The following M6PR variants were observed in gnomAD, a reference collection of about 807,000 sequenced individuals.
M6PR encodes cation-dependent mannose-6-phosphate receptor.
In M6PR, 19 loss-of-function variants were observed where a neutral mutation model predicts 33.1. The ratio of observed to expected loss-of-function variants is 0.57; its 90% CI spans 0.40 to 0.84. M6PR has a LOEUF of 0.84. Ranked by LOEUF, M6PR falls within the 40% of genes least tolerant of loss-of-function variation. M6PR has a pLI of 0.00. For missense variants in M6PR, 295 were observed against 336.0 expected (o/e 0.88, Z 0.95); for synonymous variants, 111 against 123.4 (o/e 0.90, Z 0.67).
chr12:8,940,476 A>AT lies in M6PR; in HGVS notation c.*1341dup, dbSNP rs1416176251. ...GGGATGCAAACAAATAACAAAAAAG[A>AT]TGCTTTTGTAACATTATTTTCCCTG... On this transcript the variant is annotated 3_prime_UTR_variant, in exon 7 of 7. Coordinates refer to ENST00000000412, the MANE Select transcript of M6PR (RefSeq NM_002355.4). 6.4e-6 allele frequency: 1 copy of AT among 155,976 alleles called. No individual in the cohort carries two copies. The highest frequency in any genetic ancestry group is 2.0e-4 in the East Asian group (1 of 5,054). 9.7% of individuals were successfully genotyped at this position (155,976 alleles called of 1,614,324 possible).
In M6PR at chr12:8,943,285, AT is replaced by A. The variant is rs1340001710; in HGVS notation, c.584+119del. ...TTATAGCCAGAGGATTTAAAAAGTT[AT>A]CCCCATCAATTACAGCATAATGTAC... On this transcript the variant is annotated intron_variant, in intron 5 of 6. Transcript: ENST00000000412. 4.3e-5 allele frequency: 51 copies of A among 1,173,724 alleles called. 1 individual carries two copies. The East Asian group carries it at 9.8e-4, about 23-fold the overall frequency. 72.7% of individuals were successfully genotyped at this position (1,173,724 alleles called of 1,614,324 possible).
In M6PR at chr12:8,941,903, T is replaced by C. The variant is rs1178369570; in HGVS notation, c.749A>G (p.Asn250Ser). The C allele has an allele frequency of 1.2e-6, 2 of 1,614,094 alleles. No homozygotes were observed. Among genetic ancestry groups the C allele is most frequent in the Non-Finnish European group, 1.7e-6 (2 of 1,180,018 alleles). Residue 250 changes from asparagine (N) to serine (S), a missense_variant, in exon 7 of 7, where the codon AAT becomes AGT. Transcript: ENST00000000412. ...CDFVCRSKPR[N>S]VPAAYRGVGD... ...CACACCACGATATGCTGCAGGCACA[T>C]TTCGAGGTTTAGAACGGCAGACAAA...
intron 3 of M6PR, among the ~76,000 whole-genome samples, chr12:8,944,573 T>C (rs1408626286): frequency 6.6e-6 from 1 of 152,184 alleles, no homozygotes; most frequent in Non-Finnish European, 1.5e-5. Flanking sequence ...CAGGAGTAAA[T>C]AGCTACCTTG....
At chr12:8,942,636 A>C (rs1027782200) in intron 5 of M6PR, 94 bp from the exon 6 acceptor site, 4 of 1,336,576 alleles carry the variant, frequency 3.0e-6, no homozygotes, top group Non-Finnish European at 3.1e-6. Context: ...CTGTTTCCTA[A>C]GATACATTCC....
At position 8,944,661 on chromosome 12, in the gene M6PR, GAAAT is replaced by G. The variant is rs756949767; in HGVS notation, c.343+753_344-752del. Among the ~76,000 whole-genome samples the G allele has an allele frequency of 3.3e-5, 5 of 152,286 alleles. No homozygotes were observed. In the East Asian group the frequency reaches 9.6e-4, roughly 29 times the overall value. On this transcript the variant is annotated intron_variant, in intron 3 of 6. Transcript: ENST00000000412. ...TCCTCTCCAGCAATATGACTTTTAA[GAAAT>G]ATCACCACCATAGCACAAAAATCAG...
chr12:8,946,346 G>T lies in M6PR; in HGVS notation c.59C>A (p.Ala20Glu), dbSNP rs544775120. Reference sequence around the variant, plus strand: ...TTCTGTCTGCCAGGATTCTCTCACTGCCACAGCCAGGAGTAGTAGTAGCAG... The same window carrying T: ...TTCTGTCTGCCAGGATTCTCTCACTTCCACAGCCAGGAGTAGTAGTAGCAG... ...TGLLLLLLAV[A>E]VRESWQTEEK... Residue 20 changes from alanine (A) to glutamate (E), a missense_variant, in exon 2 of 7, where the codon GCA becomes GAA. By Grantham distance (107) the Ala-to-Glu change is moderately radical. Coordinates refer to ENST00000000412, the MANE Select transcript of M6PR (RefSeq NM_002355.4). 6 of 1,614,076 alleles carry T rather than the reference G, an allele frequency of 3.7e-6. No homozygotes were observed. The highest frequency in any genetic ancestry group is 5.1e-6 in the Non-Finnish European group (6 of 1,179,992).
intron 1 of M6PR, among the ~76,000 whole-genome samples, chr12:8,947,454 T>C (rs1592224883): frequency 6.6e-6 from 1 of 152,168 alleles, no homozygotes; most frequent in East Asian, 1.9e-4. Flanking sequence ...CCTGACTTCC[T>C]GTACCCCAAA....
Position 8,945,519 on chromosome 12 carries a change from G to C in M6PR, c.242C>G (p.Ala81Gly), listed in dbSNP as rs1946081679. ...YIYIFRVCRE[A>G]GNHTSGAGLV... The stretch of plus-strand genomic sequence containing the variant: ...GCCTGCCCCAGAAGTGTGGTTGCCA[G>C]CTTCCCGGCACACCCTGAAGATGTA... The change falls in exon 3 of 7, where the codon GCT (alanine) becomes GGT (glycine). Residue 81 changes from alanine to glycine, a missense_variant. Transcript: ENST00000000412. 9 of 1,614,012 alleles carry C rather than the reference G, an allele frequency of 5.6e-6. No individual in the cohort carries two copies. Among genetic ancestry groups the C allele is most frequent in the Non-Finnish European group, 7.6e-6 (9 of 1,180,018 alleles).
chr12:8,943,157 G>T, intron 5 of M6PR: 2 of 415,370 alleles, frequency 4.8e-6, no homozygotes, highest in East Asian at 5.1e-5. Context: ...TCATCATGTT[G>T]GTCAGGTTGG....
Position 8,946,414 on chromosome 12 carries a change from G to C in M6PR, c.-1-9C>G. The C allele has an allele frequency of 6.2e-7, 1 of 1,613,320 alleles. No homozygotes were observed. The highest frequency in any genetic ancestry group is 8.5e-7 in the Non-Finnish European group (1 of 1,179,284). Reference sequence around the variant, plus strand: ...TGTAGAAAGGGAACATCCTTTGGGAGAGAGTGTGTGTTGGGGAGGGCAGGT... The same window carrying C: ...TGTAGAAAGGGAACATCCTTTGGGACAGAGTGTGTGTTGGGGAGGGCAGGT... On this transcript the variant is annotated splice_polypyrimidine_tract_variant and intron_variant, in intron 1 of 6. Coordinates refer to ENST00000000412, the MANE Select transcript of M6PR (RefSeq NM_002355.4).
chr12:8,942,032 T>C, intron 6 of M6PR, 92 bp from the exon 7 acceptor site: 1 of 1,453,300 alleles, frequency 6.9e-7, no homozygotes, highest in Non-Finnish European at 9.5e-7. Context: ...GTGGCAAGAA[T>C]TGGTTTTCTA....
At position 8,942,490 on chromosome 12, in the gene M6PR, G is replaced by A; in HGVS notation, c.637C>T (p.Leu213=). 6.2e-7 allele frequency: 1 copy of A among 1,614,198 alleles called. No homozygotes were observed. The highest frequency in any genetic ancestry group is 1.1e-5 in the South Asian group (1 of 91,090). The change falls in exon 6 of 7, where the codon CTG becomes TTG. Residue 213 remains leucine (L), a synonymous_variant. Coordinates refer to ENST00000000412, the MANE Select transcript of M6PR (RefSeq NM_002355.4). ...YVVGGFLYQR[L]VVGAKGMEQF... is the part of the protein sequence containing the mutation. The stretch of plus-strand genomic sequence containing the variant: ...TCCATTCCTTTGGCTCCCACTACCA[G>A]TCGCTGGTATAGGAACCCCCCAACA...
intron 3 of M6PR, among the ~76,000 whole-genome samples, 168 bp from the exon 4 acceptor site, chr12:8,944,078 T>C (rs958113974): frequency 6.6e-5 from 10 of 152,174 alleles, no homozygotes; most frequent in African/African-American, 2.4e-4. Context: ...ACTTGTTTGC[T>C]TACAAAGACT....
chr12:8,944,580 C>T (rs1177448801), intron 3 of M6PR, among the ~76,000 whole-genome samples: 1 of 152,034 alleles, frequency 6.6e-6, no homozygotes, highest in Non-Finnish European at 1.5e-5. Flanking sequence ...AAATAGCTAC[C>T]TTGTATAACT....
In M6PR at chr12:8,941,737, G is replaced by C; in HGVS notation, c.*81C>G. On this transcript the variant is annotated 3_prime_UTR_variant, in exon 7 of 7. Transcript: ENST00000000412. ...ATAGTAAGGGTGAGATGAGGGACTG[G>C]AGTTGAGACTGCTTGAGAAATCTGG... 2 of 1,552,424 alleles carry C rather than the reference G, an allele frequency of 1.3e-6. No homozygotes were observed. The highest frequency in any genetic ancestry group is 1.8e-6 in the Non-Finnish European group (2 of 1,125,966).
Position 8,941,790 on chromosome 12 carries a change from G to A in M6PR, c.*28C>T. On this transcript the variant is annotated 3_prime_UTR_variant, in exon 7 of 7. Transcript: ENST00000000412. Reference sequence around the variant, plus strand: ...GTGTAGCTTTGGTTTGGGGGACTGAGGAAGAGGCTGGACATATAAAGTGCA... The same window carrying A: ...GTGTAGCTTTGGTTTGGGGGACTGAAGAAGAGGCTGGACATATAAAGTGCA... 2 of 1,613,310 alleles carry A rather than the reference G, an allele frequency of 1.2e-6. No individual in the cohort carries two copies. Among genetic ancestry groups the A allele is most frequent in the Non-Finnish European group, 1.7e-6 (2 of 1,179,344 alleles).
intron 2 of M6PR, 135 bp from the exon 3 acceptor site, chr12:8,945,719 A>G: frequency 1.4e-6 from 1 of 699,596 alleles, no homozygotes. Context: ...GGCTGAGTGA[A>G]TATTTGTTTA....
At chr12:8,943,621 T>G (rs1946056716) in intron 4 of M6PR, 86 bp from the exon 5 acceptor site, 1 of 1,538,618 alleles carries the variant, frequency 6.5e-7, no homozygotes, top group Non-Finnish European at 9.0e-7. Context: ...AAACATCTGC[T>G]CCTTCCTGGT....
chr12:8,945,095 T>C, intron 3 of M6PR: 2 of 215,044 alleles, frequency 9.3e-6, no homozygotes, highest in South Asian at 1.4e-4. Flanking sequence ...GAGGCTGAGG[T>C]TGCAGTGAGC....
Sources: gnomAD v4.1 joint callset for allele counts (sites outside exome capture counted in the v4.1 genomes callset) on GRCh38, gnomAD v4.1.1 for gene constraint, MANE v1.5 for transcripts, NCBI Gene and HGNC (gene_info 2026-07-23, HGNC 2026-07-21) for gene names.